Variants in INPP4A observed in about 807,000 individuals in gnomAD.
INPP4A encodes the protein inositol polyphosphate-4-phosphatase type I A.
Under a neutral mutation model 119.8 loss-of-function variants are expected in INPP4A, and 33 were observed. The observed-to-expected ratio is 0.28, with a 90% CI of 0.21 to 0.37. The LOEUF (loss-of-function observed/expected upper bound fraction) is 0.37. INPP4A is among the 10% of genes least tolerant of loss of function. The probability of loss-of-function intolerance (pLI) is 1.00; values close to 1 mark genes in which losing one functional copy is unlikely to be tolerated. For synonymous variants in INPP4A, 496 were observed against 500.7 expected (o/e 0.99, Z 0.12); for missense variants, 956 against 1,289.9 (o/e 0.74, Z 3.97).
chr2:98,493,244 G>A (rs776632142), intron 1 of INPP4A, among the ~76,000 whole-genome samples: 4 of 152,046 alleles, frequency 2.6e-5, no homozygotes, highest in African/African-American at 4.8e-5. Flanking sequence ...TTGGTTGTGA[G>A]TGGGAACTGA....
chr2:98,548,555 T>C (rs1420137121), intron 13 of INPP4A, among the ~76,000 whole-genome samples: 4 of 152,202 alleles, frequency 2.6e-5, no homozygotes, highest in African/African-American at 4.8e-5. Context: ...CCCAGGAGGC[T>C]TGGGGTGTTG....
chr2:98,582,840 CAGAA>C (rs1699516252), intron 24 of INPP4A, among the ~76,000 whole-genome samples: 1 of 152,074 alleles, frequency 6.6e-6, no homozygotes, highest in South Asian at 2.1e-4. Flanking sequence ...AAGTCAGACA[CAGAA>C]AGATCACCTA....
intron 23 of INPP4A, among the ~76,000 whole-genome samples, chr2:98,573,726 A>T (rs961023698): frequency 1.3e-5 from 2 of 152,134 alleles, no homozygotes; most frequent in Non-Finnish European, 2.9e-5. Context: ...CTCAGCCCCG[A>T]GTCTCTTCTA....
intron 1 of INPP4A, among the ~76,000 whole-genome samples, chr2:98,452,864 C>T (rs1695469989): frequency 6.6e-6 from 1 of 152,218 alleles, no homozygotes; most frequent in Non-Finnish European, 1.5e-5. Flanking sequence ...TATGACTCAC[C>T]TTCTGAAGCC....
chr2:98,540,484 C>G (rs74586840), intron 10 of INPP4A, among the ~76,000 whole-genome samples: 208 of 152,340 alleles, frequency 1.4e-3, no homozygotes, highest in Non-Finnish European at 2.3e-3. Flanking sequence ...CCAGGCCGTG[C>G]ATATTATGTC....
chr2:98,575,987 G>C (rs759556151), intron 23 of INPP4A, among the ~76,000 whole-genome samples: 34 of 152,180 alleles, frequency 2.2e-4, no homozygotes, highest in Admixed American at 5.2e-4. Context: ...GGTGCCCATC[G>C]CATATGTGTA....
chr2:98,572,266 C>G (rs1292200570), intron 22 of INPP4A, among the ~76,000 whole-genome samples: 1 of 152,200 alleles, frequency 6.6e-6, no homozygotes, highest in Non-Finnish European at 1.5e-5. Context: ...CTGGAAGGGC[C>G]TAGAGACTGC....
rs1468465599 is a variant in INPP4A at position 98,566,983 on chromosome 2, A to G, written c.2420+814A>G. 2.0e-5 allele frequency among the ~76,000 whole-genome samples: 3 copies of G among 152,128 alleles called. No homozygotes were observed. Among genetic ancestry groups the G allele is most frequent in the East Asian group, 1.9e-4 (1 of 5,188 alleles). On this transcript the variant is annotated intron_variant, in intron 21 of 24. Transcript: ENST00000409851. The surrounding 1 kb of genome is among the most constrained non-coding windows in gnomAD (Gnocchi z 4.2). ...TTCCTGCTGGGCCTTCTGATGTCCAACCCCAGTGGTTGATGTCCATTGACG... is the reference window on the plus strand; with the variant it reads ...TTCCTGCTGGGCCTTCTGATGTCCAGCCCCAGTGGTTGATGTCCATTGACG...
chr2:98,447,831 A>G (rs1694461017), intron 1 of INPP4A, among the ~76,000 whole-genome samples: 1 of 152,092 alleles, frequency 6.6e-6, no homozygotes, highest in Non-Finnish European at 1.5e-5. Context: ...GCGGATCACA[A>G]GATCAGGAGA....
chr2:98,566,157 C>T lies in INPP4A; in HGVS notation c.2408C>T (p.Thr803Ile). 1 of 1,593,896 alleles carries T rather than the reference C, an allele frequency of 6.3e-7. No homozygotes were observed. The highest frequency in any genetic ancestry group is 8.6e-7 in the Non-Finnish European group (1 of 1,168,180). Residue 803 changes from threonine (T) to isoleucine (I), a missense_variant, in exon 21 of 25, where the codon ACA becomes ATA. Thr to Ile is a moderately conservative substitution (Grantham distance 89). Around this residue, in one of 2 missense-constraint regions of INPP4A, gnomAD observed 304 missense variants for 492.1 expected, o/e 0.62. Transcript: ENST00000409851. This position sits in a 1 kb window ranked among gnomAD's most constrained non-coding sequence, Gnocchi z 4.2. ...AACGTGGGCATCAATGAGCAGCAGA[C>T]ACTGGCCGAGAGGTGCGTGCCGGCT... Reference protein sequence around the residue: ...LFNVGINEQQTLAERFGDTSL... With the variant: ...LFNVGINEQQILAERFGDTSL...
intron 24 of INPP4A, among the ~76,000 whole-genome samples, chr2:98,586,681 G>A (rs1699993159): frequency 6.6e-6 from 1 of 152,178 alleles, no homozygotes; most frequent in Admixed American, 6.5e-5. Flanking sequence ...GATTGCCATG[G>A]CAACCCTCCA....
At position 98,554,374 on chromosome 2, in the gene INPP4A, C is replaced by T. The variant is rs1394450811; in HGVS notation, c.1451C>T (p.Thr484Ile). The change falls in exon 15 of 25, where the codon ACT becomes ATT. Residue 484 changes from threonine (T) to isoleucine (I), a missense_variant. Thr to Ile is a moderately conservative substitution (Grantham distance 89). Coordinates refer to ENST00000409851, the MANE Select transcript of INPP4A (RefSeq NM_001134225.2). This position sits in a 1 kb window ranked among gnomAD's most constrained non-coding sequence, Gnocchi z 4.7. ...TACATTGCCTCCAAGGCCTCTCCCACTTCGACTGAGGAGGAGCAGGTGATG... is the reference window on the plus strand; with the variant it reads ...TACATTGCCTCCAAGGCCTCTCCCATTTCGACTGAGGAGGAGCAGGTGATG... Reference protein sequence around the residue: ...PDYIASKASPTSTEEEQVMLR... With the variant: ...PDYIASKASPISTEEEQVMLR... 1 of 1,613,770 alleles carries T rather than the reference C, an allele frequency of 6.2e-7. No individual in the cohort carries two copies. Among genetic ancestry groups the T allele is most frequent in the South Asian group, 1.1e-5 (1 of 90,970 alleles).
At position 98,532,310 on chromosome 2, in the gene INPP4A, CCT is replaced by C. The variant is rs573334295; in HGVS notation, c.152-1060_152-1059del. 3.9e-5 allele frequency among the ~76,000 whole-genome samples: 6 copies of C among 152,268 alleles called. No individual in the cohort carries two copies. The East Asian group carries it at 7.7e-4, about 20-fold the overall frequency. ...TGTCTTCCTTCATCCCATCACTCCT[CCT>C]CTCTCTGAATTTCCTGTGCATTTGT... On this transcript the variant is annotated intron_variant, in intron 4 of 24. Coordinates refer to ENST00000409851, the MANE Select transcript of INPP4A (RefSeq NM_001134225.2).
At chr2:98,459,741 A>G (rs979322112) in intron 1 of INPP4A, among the ~76,000 whole-genome samples, 1 of 152,236 alleles carries the variant, frequency 6.6e-6, no homozygotes, top group Admixed American at 6.5e-5. Context: ...CTGGCACAAA[A>G]TAGGCATATA....
At chr2:98,560,296 A>G (rs1288548724) in intron 17 of INPP4A, among the ~76,000 whole-genome samples, 1 of 152,170 alleles carries the variant, frequency 6.6e-6, no homozygotes, top group Non-Finnish European at 1.5e-5. Context: ...TTATAAATGT[A>G]AGACAGCAGG....
At position 98,555,636 on chromosome 2, in the gene INPP4A, T is replaced by G; in HGVS notation, c.1650T>G (p.His550Gln). 1 of 1,613,940 alleles carries G rather than the reference T, an allele frequency of 6.2e-7. No individual in the cohort carries two copies. The highest frequency in any genetic ancestry group is 8.5e-7 in the Non-Finnish European group (1 of 1,179,874). ...VDKLLQKERL[H>Q]GEGCEDVFPC... ...AGCTGCTGCAGAAGGAGCGGCTGCA[T>G]GGCGAGGGCTGTGAGGATGTCTTCC... The change falls in exon 16 of 25, where the codon CAT becomes CAG. Residue 550 changes from histidine to glutamine, a missense_variant. His to Gln is a conservative substitution (Grantham distance 24). Coordinates refer to ENST00000409851, the MANE Select transcript of INPP4A (RefSeq NM_001134225.2).
chr2:98,498,671 A>G (rs1227487795), intron 1 of INPP4A, among the ~76,000 whole-genome samples: 3 of 152,144 alleles, frequency 2.0e-5, no homozygotes, highest in Admixed American at 6.6e-5. Flanking sequence ...TCAGATTCAT[A>G]TGTTGAAGTA....
chr2:98,540,779 GCAGAGCCCTCATGACCT>G, intron 10 of INPP4A, among the ~76,000 whole-genome samples: 1 of 152,154 alleles, frequency 6.6e-6, no homozygotes, highest in East Asian at 1.9e-4. Context: ...ATTCATGAGG[GCAGAGCCCTCATGACCT>G]CGTCATCTCT....
intron 1 of INPP4A, among the ~76,000 whole-genome samples, chr2:98,502,152 A>G (rs937818130): frequency 6.6e-6 from 1 of 152,214 alleles, no homozygotes; most frequent in Non-Finnish European, 1.5e-5. Flanking sequence ...TGAGGGCATT[A>G]GGTGATACCT....
Sources: allele counts gnomAD v4.1 joint callset (sites outside exome capture counted in the v4.1 genomes callset), GRCh38; gene constraint gnomAD v4.1.1; regional missense constraint gnomAD v4.1.1; non-coding constraint Gnocchi (gnomAD v3.1); transcripts MANE v1.5; gene names NCBI Gene and HGNC (gene_info 2026-07-23, HGNC 2026-07-21).